PPARGC1A: variants seen among roughly 807,000 people sequenced by gnomAD.
The protein encoded by PPARGC1A is peroxisome proliferator-activated receptor gamma coactivator 1-alpha.
In PPARGC1A, 25 loss-of-function variants were observed where a neutral mutation model predicts 88.7. The ratio of observed to expected loss-of-function variants is 0.28; its 90% CI spans 0.21 to 0.39. The LOEUF (loss-of-function observed/expected upper bound fraction) is 0.39, where lower values mean the gene tolerates loss of function less well. PPARGC1A is among the 10% of genes least tolerant of loss of function. The probability of loss-of-function intolerance (pLI) is 1.00; values close to 1 mark genes in which losing one functional copy is unlikely to be tolerated. For missense variants in PPARGC1A, 880 were observed against 968.7 expected, an observed-to-expected ratio of 0.91 and a Z score of 1.22; for synonymous variants, 363 against 355.6, an observed-to-expected ratio of 1.02 and a Z score of -0.24.
the PPARGC1A span, among the ~76,000 whole-genome samples, chr4:24,286,369 C>T: frequency 6.6e-6 from 1 of 152,232 alleles, no homozygotes; most frequent in South Asian, 2.1e-4. Context: ...CTGAAAATAC[C>T]TAATATTTAT....
the PPARGC1A span, among the ~76,000 whole-genome samples, chr4:23,998,129 C>T: frequency 6.6e-6 from 1 of 152,116 alleles, no homozygotes; most frequent in African/African-American, 2.4e-5. Flanking sequence ...GGACAGAAAA[C>T]TGAGGACTGA....
the PPARGC1A span, among the ~76,000 whole-genome samples, chr4:24,425,132 GT>G: frequency 5.3e-5 from 8 of 152,110 alleles, no homozygotes; most frequent in African/African-American, 1.7e-4. Flanking sequence ...TGCCTCTCCA[GT>G]TTGGCAAAGA....
chr4:23,988,724 G>A, the PPARGC1A span, among the ~76,000 whole-genome samples: 1 of 150,910 alleles, frequency 6.6e-6, no homozygotes, highest in Admixed American at 6.6e-5. Flanking sequence ...TGCATCGTAA[G>A]TTTATGTGTT....
At chr4:24,305,743 C>T in the PPARGC1A span, among the ~76,000 whole-genome samples, 3 of 152,078 alleles carry the variant, frequency 2.0e-5, no homozygotes, top group East Asian at 1.9e-4. Flanking sequence ...ACCCAGGAGG[C>T]GGAGGTTGCA....
upstream of PPARGC1A, among the ~76,000 whole-genome samples, chr4:23,907,057 T>C (rs1407619089): frequency 6.6e-6 from 1 of 152,072 alleles, no homozygotes; most frequent in African/African-American, 2.4e-5. Context: ...GTATCCAAAG[T>C]AAATGGCCCA....
the PPARGC1A span, among the ~76,000 whole-genome samples, chr4:24,066,473 C>G: frequency 6.6e-6 from 1 of 152,144 alleles, no homozygotes; most frequent in South Asian, 2.1e-4. Context: ...TAACACTATC[C>G]AAAGCCTGTT....
the PPARGC1A span, among the ~76,000 whole-genome samples, chr4:24,315,692 C>A: frequency 1.3e-5 from 2 of 152,172 alleles, no homozygotes; most frequent in Non-Finnish European, 2.9e-5. Flanking sequence ...ACGCTACTGG[C>A]ATCTAGTGGG....
chr4:24,024,137 T>C, the PPARGC1A span, among the ~76,000 whole-genome samples: 4 of 152,176 alleles, frequency 2.6e-5, no homozygotes, highest in African/African-American at 9.7e-5. Context: ...TGTAACTCAT[T>C]GATGGACACC....
the PPARGC1A span, among the ~76,000 whole-genome samples, chr4:24,463,366 C>T: frequency 6.6e-6 from 1 of 152,174 alleles, no homozygotes; most frequent in South Asian, 2.1e-4. Context: ...GTAAGCATAT[C>T]CTTCATAATT....
the PPARGC1A span, among the ~76,000 whole-genome samples, chr4:24,470,926 T>TGCG: frequency 6.6e-6 from 1 of 151,666 alleles, no homozygotes; most frequent in Non-Finnish European, 1.5e-5. The surrounding 1 kb of genome is among the most constrained non-coding windows in gnomAD (Gnocchi z 5.8). Flanking sequence ...CTTGGGGTGA[T>TGCG]GCGGAGGCGG....
the PPARGC1A span, among the ~76,000 whole-genome samples, chr4:24,208,988 T>C: frequency 8.5e-5 from 13 of 152,272 alleles, no homozygotes; most frequent in African/African-American, 3.1e-4. Flanking sequence ...CAGATATACC[T>C]AATTCTAGAA....
At chr4:24,432,538 G>T in the PPARGC1A span, among the ~76,000 whole-genome samples, 14 of 152,274 alleles carry the variant, frequency 9.2e-5, no homozygotes, top group Non-Finnish European at 1.8e-4. Flanking sequence ...TGCATAGAGC[G>T]CCAGAGCAGA....
the PPARGC1A span, among the ~76,000 whole-genome samples, chr4:24,237,818 C>T: frequency 2.0e-5 from 3 of 152,254 alleles, no homozygotes; most frequent in Admixed American, 6.5e-5. Context: ...TCTAGCCTGT[C>T]ATTTTTCGAA....
the PPARGC1A span, among the ~76,000 whole-genome samples, chr4:23,966,602 G>A: frequency 2.0e-5 from 3 of 152,248 alleles, no homozygotes; most frequent in African/African-American, 7.2e-5. Flanking sequence ...TCCTAACAGT[G>A]ACCCACTGGA....
the PPARGC1A span, among the ~76,000 whole-genome samples, chr4:24,188,527 A>C: frequency 6.6e-6 from 1 of 152,142 alleles, no homozygotes; most frequent in African/African-American, 2.4e-5. Flanking sequence ...AATGCAGAGT[A>C]AAGAAGGAAG....
the PPARGC1A span, among the ~76,000 whole-genome samples, chr4:24,423,151 C>T: frequency 6.6e-6 from 1 of 152,176 alleles, no homozygotes; most frequent in South Asian, 2.1e-4. Context: ...AGCCTTCCCA[C>T]ACTGGCATAG....
the PPARGC1A span, among the ~76,000 whole-genome samples, chr4:23,952,829 C>T: frequency 6.6e-6 from 1 of 151,968 alleles, no homozygotes; most frequent in Admixed American, 6.6e-5. Context: ...CTCTACGTGG[C>T]TATTTGTTCT....
At chr4:23,913,824 A>AGAG in the PPARGC1A span, among the ~76,000 whole-genome samples, 2 of 152,178 alleles carry the variant, frequency 1.3e-5, no homozygotes, top group Non-Finnish European at 2.9e-5. Context: ...AGAGCCTCAC[A>AGAG]GAGGAGGCAT....
the PPARGC1A span, among the ~76,000 whole-genome samples, chr4:23,917,195 T>C: frequency 6.6e-6 from 1 of 152,142 alleles, no homozygotes. Context: ...ACGAAATGTA[T>C]TAGCTAAACC....
Sources: gnomAD v4.1 joint callset for allele counts (sites outside exome capture counted in the v4.1 genomes callset) on GRCh38, gnomAD v4.1.1 for gene constraint, Gnocchi (gnomAD v3.1) non-coding constraint, MANE v1.5 for transcripts, NCBI Gene and HGNC (gene_info 2026-07-23, HGNC 2026-07-21) for gene names.